EGF: variants seen among roughly 807,000 people sequenced by gnomAD.
EGF encodes the protein pro-epidermal growth factor.
Under a neutral mutation model 143.8 loss-of-function variants are expected in EGF, and 95 were observed. The ratio of observed to expected loss-of-function variants is 0.66; its 90% CI spans 0.56 to 0.78. The LOEUF is 0.78. Ranked by LOEUF, EGF falls within the 30% of genes least tolerant of loss-of-function variation. The pLI, the probability that EGF is intolerant of heterozygous loss-of-function variation, is 0.00. For missense variants in EGF, 1,320 were observed against 1,470.9 expected (o/e 0.90, Z 1.68); for synonymous variants, 510 against 510.5 (o/e 1.00, Z 0.01).
chr4:109,976,326 T>A, intron 13 of EGF, 91 bp downstream of exon 13: 1 of 1,101,406 alleles, frequency 9.1e-7, no homozygotes, highest in Non-Finnish European at 1.4e-6. Context: ...CACATACCAC[T>A]TAGCCGTATG....
chr4:109,947,628 T>A lies in EGF; in HGVS notation c.940+2353T>A, dbSNP rs116296977. On this transcript the variant is annotated intron_variant, in intron 5 of 23. Transcript: ENST00000265171. ...CTGCCACATACCTTCCATGGGAAAT[T>A]TCAACTCAAGCTGTCTTCACATACA... 5.1e-3 allele frequency among the ~76,000 whole-genome samples: 772 copies of A among 152,284 alleles called. 7 individuals are homozygous for A. The highest frequency in any genetic ancestry group is 0.018 in the African/African-American group (741 of 41,560).
At position 109,944,017 on chromosome 4, in the gene EGF, T is replaced by G; in HGVS notation, c.685T>G (p.Cys229Gly). The change falls in exon 4 of 24, where the codon TGC becomes GGC. Residue 229 changes from cysteine (C) to glycine (G), a missense_variant. By Grantham distance (159) the Cys-to-Gly change is radical. Around this residue, in one of 5 missense-constraint regions of EGF, gnomAD observed 1,186 missense variants for 1,313.7 expected, o/e 0.90. Coordinates refer to ENST00000265171, the MANE Select transcript of EGF (RefSeq NM_001963.6). Reference protein sequence around the residue: ...YNREGSNSLICSCDYDGGSVH... With the variant: ...YNREGSNSLIGSCDYDGGSVH... ...CAGAGAAGGAAGCAATTCTCTTATTTGCTCCTGTGATTATGATGGAGGTTC... is the reference window on the plus strand; with the variant it reads ...CAGAGAAGGAAGCAATTCTCTTATTGGCTCCTGTGATTATGATGGAGGTTC... 6.2e-7 allele frequency: 1 copy of G among 1,614,232 alleles called. No individual in the cohort carries two copies. Among genetic ancestry groups the G allele is most frequent in the Non-Finnish European group, 8.5e-7 (1 of 1,180,038 alleles).
intron 22 of EGF, among the ~76,000 whole-genome samples, chr4:110,006,739 G>T (rs578188006): frequency 6.6e-6 from 1 of 152,356 alleles, no homozygotes; most frequent in South Asian, 2.1e-4. Context: ...ATTTGCTGCT[G>T]TCATGAGCAA....
chr4:109,919,905 T>A (rs1579441618), intron 1 of EGF, among the ~76,000 whole-genome samples: 1 of 151,738 alleles, frequency 6.6e-6, no homozygotes, highest in Non-Finnish European at 1.5e-5. Flanking sequence ...ACAGGTCAAG[T>A]GTAAACGATA....
At chr4:109,944,991 A>G (rs1331762281) in intron 4 of EGF, 82 bp from the exon 5 acceptor site, 2 of 1,445,578 alleles carry the variant, frequency 1.4e-6, no homozygotes, top group Non-Finnish European at 1.9e-6. Context: ...AACTTAGACA[A>G]TAAATTGAAA....
At chr4:109,959,044 G>C (rs935688041) in intron 5 of EGF, 5 of 457,682 alleles carry the variant, frequency 1.1e-5, no homozygotes, top group African/African-American at 2.0e-5. Flanking sequence ...AAGCTAATAA[G>C]TAGTGTTTAG....
At chr4:109,931,515 T>C (rs1739692241) in intron 1 of EGF, among the ~76,000 whole-genome samples, 2 of 152,206 alleles carry the variant, frequency 1.3e-5, no homozygotes, top group African/African-American at 4.8e-5. Flanking sequence ...AGATTGCGAT[T>C]GCAGTACCTG....
At chr4:109,981,686 A>T (rs1749382652) in intron 15 of EGF, among the ~76,000 whole-genome samples, 2 of 152,318 alleles carry the variant, frequency 1.3e-5, no homozygotes, top group East Asian at 3.9e-4. Flanking sequence ...TAAGTAAAGT[A>T]ACAGATTGAT....
chr4:109,918,337 C>T lies in EGF; in HGVS notation c.127+4875C>T, dbSNP rs552751937. Among the ~76,000 whole-genome samples the T allele has an allele frequency of 7.4e-5, 11 of 148,006 alleles. No individual in the cohort carries two copies. In the South Asian group the frequency reaches 9.1e-4, roughly 12 times the overall value. ...TTCTCAGAGTGTGTAATGGTAGAAACAGAAATGCGTGTGGTTGTGCTGAGA... is the reference window on the plus strand; with the variant it reads ...TTCTCAGAGTGTGTAATGGTAGAAATAGAAATGCGTGTGGTTGTGCTGAGA... On this transcript the variant is annotated intron_variant, in intron 1 of 23. Transcript: ENST00000265171.
In EGF at chr4:109,959,355, T is replaced by C. The variant is rs1378479407; in HGVS notation, c.984T>C (p.Thr328=). The change falls in exon 6 of 24, where the codon ACT becomes ACC. Residue 328 remains threonine (T), a synonymous_variant. Coordinates refer to ENST00000265171, the MANE Select transcript of EGF (RefSeq NM_001963.6). The part of the protein sequence containing the change: ...CKLRKGNCSS[T]VCGQDLQSHL... ...TGAGGAAAGGAAACTGCAGCAGCACTGTGTGTGGGCAAGACCTCCAGTCAC... is the reference window on the plus strand; with the variant it reads ...TGAGGAAAGGAAACTGCAGCAGCACCGTGTGTGGGCAAGACCTCCAGTCAC... 2 of 1,613,392 alleles carry C rather than the reference T, an allele frequency of 1.2e-6. No individual in the cohort carries two copies. The highest frequency in any genetic ancestry group is 1.7e-6 in the Non-Finnish European group (2 of 1,179,950).
intron 20 of EGF, among the ~76,000 whole-genome samples, chr4:109,997,427 C>T (rs1751960128): frequency 1.3e-5 from 2 of 152,026 alleles, no homozygotes; most frequent in South Asian, 2.1e-4. Flanking sequence ...TTTACCAGCC[C>T]GGGTAACATG....
At chr4:109,977,469 C>G (rs1281517802) in intron 13 of EGF, 1 of 151,814 alleles carries the variant, frequency 6.6e-6, no homozygotes, top group African/African-American at 2.4e-5. Context: ...ACTGAAGATA[C>G]AGTGGAGGGT....
chr4:110,004,041 C>G (rs1312302310), intron 21 of EGF, among the ~76,000 whole-genome samples: 1 of 152,110 alleles, frequency 6.6e-6, no homozygotes, highest in East Asian at 1.9e-4. Context: ...CTGCCTCACA[C>G]AGTTGCTGAG....
rs146686947 is a variant in EGF, at chr4:109,958,489, C to T, written c.941-823C>T. Among the ~76,000 whole-genome samples, 6 of 152,220 alleles carry T rather than the reference C, an allele frequency of 3.9e-5. 1 individual carries two copies. The highest frequency in any genetic ancestry group is 2.0e-4 in the Admixed American group (3 of 15,282). ...TGTTTATTATGGAATATTTGGAACA[C>T]GTGGGACACTGGCAGCAATAACTAC... On this transcript the variant is annotated intron_variant, in intron 5 of 23. Coordinates refer to ENST00000265171, the MANE Select transcript of EGF (RefSeq NM_001963.6).
chr4:109,917,507 A>T (rs1736886137), intron 1 of EGF, among the ~76,000 whole-genome samples: 1 of 151,372 alleles, frequency 6.6e-6, no homozygotes, highest in African/African-American at 2.4e-5. Context: ...TTTTTTTTTT[A>T]ATTTCAATTT....
chr4:109,960,392 C>G (rs927804574), intron 6 of EGF, among the ~76,000 whole-genome samples: 3 of 152,166 alleles, frequency 2.0e-5, no homozygotes, highest in Admixed American at 6.5e-5. Context: ...CACTTGTAAT[C>G]TCGGCACTTT....
At position 109,945,369 on chromosome 4, in the gene EGF, A is replaced by T. The variant is rs1041940526; in HGVS notation, c.940+94A>T. The T allele has an allele frequency of 4.5e-5, 58 of 1,282,370 alleles. No homozygotes were observed. The South Asian group carries it at 6.1e-4, about 13-fold the overall frequency. 79.4% of individuals were successfully genotyped at this position (1,282,370 alleles called of 1,614,324 possible). A position where few individuals can be genotyped will look rare whatever the true frequency, so the allele number is the denominator to read the frequency against. On this transcript the variant is annotated intron_variant, in intron 5 of 23. Coordinates refer to ENST00000265171, the MANE Select transcript of EGF (RefSeq NM_001963.6). The stretch of plus-strand genomic sequence containing the variant: ...CAATGAGGCGTTGTAGGGGAAAAAA[A>T]ATTTTTTTCTTCAACCCTCATATAT...
rs1256737711 is a variant in EGF at position 109,964,489 on chromosome 4, G to C, written c.1527G>C (p.Gln509His). ...DGTDYGTLLS[Q>H]QMGMVYALDH... Reference sequence around the variant, plus strand: ...CAGACTATGGAACTCTGCTCAGCCAGCAGATGGGAATGGTTTATGCCCTAG... The same window carrying C: ...CAGACTATGGAACTCTGCTCAGCCACCAGATGGGAATGGTTTATGCCCTAG... The change falls in exon 10 of 24, where the codon CAG (glutamine) becomes CAC (histidine). Residue 509 changes from glutamine (Q) to histidine (H), a missense_variant. This residue lies in a region of EGF where 1,186 missense variants were observed against 1,313.7 expected (regional missense o/e 0.90). Transcript: ENST00000265171. 1 of 1,613,840 alleles carries C rather than the reference G, an allele frequency of 6.2e-7. No individual in the cohort carries two copies. Among genetic ancestry groups the C allele is most frequent in the African/African-American group, 1.3e-5 (1 of 74,906 alleles).
In EGF at chr4:109,973,710, G is replaced by T. The variant is rs138935931; in HGVS notation, c.1725-993G>T. Reference sequence around the variant, plus strand: ...TCTGCCTCTCTCTCCCTCTGTTCCTGTTGAACTATGAGCTCTATAAGGACA... The same window carrying T: ...TCTGCCTCTCTCTCCCTCTGTTCCTTTTGAACTATGAGCTCTATAAGGACA... On this transcript the variant is annotated intron_variant, in intron 11 of 23. Transcript: ENST00000265171. 4.6e-3 allele frequency among the ~76,000 whole-genome samples: 684 copies of T among 150,088 alleles called. 8 individuals carry two copies. The highest frequency in any genetic ancestry group is 0.015 in the African/African-American group (605 of 40,682).
Sources: gnomAD v4.1 joint callset for allele counts (sites outside exome capture counted in the v4.1 genomes callset) on GRCh38, gnomAD v4.1.1 for gene constraint, gnomAD v4.1.1 regional missense constraint, MANE v1.5 for transcripts, NCBI Gene and HGNC (gene_info 2026-07-23, HGNC 2026-07-21) for gene names.